The following CSTPP1 variants were observed in gnomAD, a reference collection of about 807,000 sequenced individuals.
CSTPP1 encodes centriolar satellite-associated tubulin polyglutamylase complex regulator 1, also known as UPF0705 protein C11orf49.
the CSTPP1 span, among the ~76,000 whole-genome samples, chr11:47,074,737 A>G: frequency 6.6e-6 from 1 of 152,198 alleles, no homozygotes; most frequent in Non-Finnish European, 1.5e-5. Context: ...AGAACCATAT[A>G]TTTGAAATTT....
chr11:47,130,221 C>T, the CSTPP1 span, among the ~76,000 whole-genome samples: 4 of 151,256 alleles, frequency 2.6e-5, no homozygotes, highest in East Asian at 5.8e-4. Flanking sequence ...AGCGCCACTG[C>T]TCTTCAGCCT....
the CSTPP1 span, among the ~76,000 whole-genome samples, chr11:47,035,324 C>T: frequency 2.0e-5 from 3 of 152,300 alleles, no homozygotes; most frequent in African/African-American, 4.8e-5. Flanking sequence ...AGTGACACTT[C>T]GTATGGGTCC....
At chr11:47,052,442 C>T in the CSTPP1 span, 5 of 1,614,094 alleles carry the variant, frequency 3.1e-6, no homozygotes, top group Non-Finnish European at 4.2e-6. Flanking sequence ...TCAGCTTCGT[C>T]CAAGCCACCC....
chr11:47,158,691 A>C, the CSTPP1 span, among the ~76,000 whole-genome samples: 5 of 152,042 alleles, frequency 3.3e-5, no homozygotes, highest in African/African-American at 1.2e-4. Context: ...ATGCGCCACC[A>C]TCCTGGAAAA....
the CSTPP1 span, among the ~76,000 whole-genome samples, chr11:47,013,532 G>A: frequency 1.8e-4 from 28 of 152,096 alleles, no homozygotes; most frequent in Admixed American, 8.5e-4. Context: ...AGTTTGCTGA[G>A]GATAATGGCT....
chr11:47,075,893 T>C, the CSTPP1 span, among the ~76,000 whole-genome samples: 3 of 116,242 alleles, frequency 2.6e-5, no homozygotes, highest in African/African-American at 1.0e-4. Flanking sequence ...GCCACTGTAC[T>C]CCAGGCCTGG....
the CSTPP1 span, among the ~76,000 whole-genome samples, chr11:47,156,743 A>AG: frequency 6.6e-6 from 1 of 152,158 alleles, no homozygotes; most frequent in Non-Finnish European, 1.5e-5. Flanking sequence ...GAAAAAAAAA[A>AG]GCCTATGGTG....
At chr11:47,122,068 T>TA in the CSTPP1 span, among the ~76,000 whole-genome samples, 3 of 5,284 alleles carry the variant, frequency 5.7e-4, no homozygotes, top group African/African-American at 3.6e-3. Context: ...AGACCCTGTC[T>TA]CAAAAAAAAA....
the CSTPP1 span, among the ~76,000 whole-genome samples, chr11:47,113,508 T>C: frequency 6.6e-6 from 1 of 152,154 alleles, no homozygotes; most frequent in East Asian, 1.9e-4. Context: ...CTCTCCAGCA[T>C]CTATTGTTTC....
the CSTPP1 span, among the ~76,000 whole-genome samples, chr11:46,944,187 G>A: frequency 6.6e-6 from 1 of 150,656 alleles, no homozygotes; most frequent in African/African-American, 2.5e-5. Flanking sequence ...GCGTGGGGGT[G>A]TGTTCCTATA....
At chr11:47,047,035 G>A in the CSTPP1 span, among the ~76,000 whole-genome samples, 1 of 151,646 alleles carries the variant, frequency 6.6e-6, no homozygotes, top group African/African-American at 2.4e-5. Context: ...AGAAAAGCTG[G>A]GATTACAGGT....
chr11:47,155,512 A>G, the CSTPP1 span: 1 of 565,376 alleles, frequency 1.8e-6, no homozygotes, highest in Admixed American at 3.1e-5. Context: ...GCAACGCAAC[A>G]AATCAGTTTA....
the CSTPP1 span, chr11:47,155,697 A>T: frequency 1.1e-5 from 2 of 179,160 alleles, no homozygotes; most frequent in Non-Finnish European, 1.2e-5. Context: ...TAAGTGGTGG[A>T]GACCAGACCT....
the CSTPP1 span, among the ~76,000 whole-genome samples, chr11:47,024,141 C>T: frequency 1.3e-5 from 2 of 151,782 alleles, no homozygotes; most frequent in South Asian, 4.2e-4. Context: ...AGCTCACTGG[C>T]CTTGACCTCT....
At chr11:47,136,116 T>C in the CSTPP1 span, among the ~76,000 whole-genome samples, 1 of 152,178 alleles carries the variant, frequency 6.6e-6, no homozygotes, top group African/African-American at 2.4e-5. Context: ...ATCAGATATA[T>C]CCACCAAAGT....
chr11:46,946,927 T>C, the CSTPP1 span, among the ~76,000 whole-genome samples: 1 of 152,222 alleles, frequency 6.6e-6, no homozygotes, highest in African/African-American at 2.4e-5. Flanking sequence ...AGAATAAATT[T>C]TAAAATAAAT....
chr11:46,994,992 G>A, the CSTPP1 span, among the ~76,000 whole-genome samples: 1 of 152,068 alleles, frequency 6.6e-6, no homozygotes, highest in African/African-American at 2.4e-5. Context: ...ACTTCTTCCT[G>A]GTTTAGTCTT....
the CSTPP1 span, among the ~76,000 whole-genome samples, chr11:47,061,342 TGTTA>T: frequency 9.2e-5 from 14 of 152,364 alleles, no homozygotes; most frequent in Admixed American, 7.2e-4. Context: ...GATAAAAATC[TGTTA>T]GTTTTTCTAA....
chr11:47,150,052 T>A, the CSTPP1 span, among the ~76,000 whole-genome samples: 1 of 152,044 alleles, frequency 6.6e-6, no homozygotes, highest in African/African-American at 2.4e-5. Context: ...CTCCCTAGTC[T>A]TCACTTCTAA....
Sources: allele counts gnomAD v4.1 joint callset (sites outside exome capture counted in the v4.1 genomes callset), GRCh38; gene constraint gnomAD v4.1.1; transcripts MANE v1.5; gene names NCBI Gene and HGNC (gene_info 2026-07-23, HGNC 2026-07-21).